GALC: variants seen among roughly 807,000 people sequenced by gnomAD.
The protein encoded by GALC is galactocerebrosidase.
Under a neutral mutation model 91.8 loss-of-function variants are expected in GALC, and 77 were observed. The observed-to-expected ratio is 0.84, with a 90% CI of 0.70 to 1.01. The LOEUF (loss-of-function observed/expected upper bound fraction) is 1.01. GALC is among the 50% of genes least tolerant of loss of function. The probability of loss-of-function intolerance (pLI) is 0.00; values close to 1 mark genes in which losing one functional copy is unlikely to be tolerated. For missense variants in GALC, 882 were observed against 855.9 expected (o/e 1.03, Z -0.38); for synonymous variants, 357 against 306.7 (o/e 1.16, Z -1.71).
At chr14:87,958,691 T>G (rs775754050) in intron 10 of GALC, among the ~76,000 whole-genome samples, 2 of 151,978 alleles carry the variant, frequency 1.3e-5, no homozygotes, top group African/African-American at 2.4e-5. Context: ...AGAAATAAAT[T>G]CATGCCCTAT....
intron 6 of GALC, among the ~76,000 whole-genome samples, chr14:87,979,463 A>G (rs1421171645): frequency 1.3e-5 from 2 of 152,254 alleles, no homozygotes; most frequent in Non-Finnish European, 2.9e-5. Flanking sequence ...AAAAAAGGAA[A>G]TGAAGTCTGA....
chr14:87,947,016 G>A (rs1022646390), intron 13 of GALC, among the ~76,000 whole-genome samples: 10 of 151,902 alleles, frequency 6.6e-5, no homozygotes, highest in African/African-American at 2.4e-4. Context: ...CTCCAGCAAT[G>A]CCAGCTCCCT....
At chr14:87,949,110 C>T (rs1885200186) in intron 12 of GALC, among the ~76,000 whole-genome samples, 1 of 151,014 alleles carries the variant, frequency 6.6e-6, no homozygotes, top group Admixed American at 6.6e-5. Flanking sequence ...GGTGAGGAAG[C>T]GTCAGAGGAA....
rs755382943 is a variant in GALC at position 87,965,494 on chromosome 14, C to G, written c.1033+11G>C. 4 of 1,613,226 alleles carry G rather than the reference C, an allele frequency of 2.5e-6. No homozygotes were observed. The highest frequency in any genetic ancestry group is 3.4e-6 in the Non-Finnish European group (4 of 1,179,384). ...AGAATTTAGGGAGTGAGAGATGGAA[C>G]TGAACCATACCTGATACCCAGACAG... On this transcript the variant is annotated intron_variant, in intron 9 of 16. Coordinates refer to ENST00000261304, the MANE Select transcript of GALC (RefSeq NM_000153.4).
upstream of GALC, chr14:87,993,205 CCGT>C: frequency 1.1e-5 from 17 of 1,553,708 alleles, no homozygotes; most frequent in Non-Finnish European, 1.5e-5. Flanking sequence ...GAGGCGGGTC[CCGT>C]CGCCGCCACG....
intron 16 of GALC, among the ~76,000 whole-genome samples, chr14:87,936,896 C>CCATATATATATATATATATATATATA (rs1555378200): frequency 2.3e-3 from 8 of 3,544 alleles, no homozygotes; most frequent in Admixed American, 8.2e-3. Context: ...ATATCAGGTA[C>CCATATATATATATATATATATATATA]TATATATATA....
At chr14:87,968,064 A>G (rs1196344047) in intron 8 of GALC, among the ~76,000 whole-genome samples, 1 of 152,150 alleles carries the variant, frequency 6.6e-6, no homozygotes, top group Non-Finnish European at 1.5e-5. Flanking sequence ...TTAAAAATAC[A>G]AGTAGCTTGT....
chr14:87,953,948 T>C, intron 10 of GALC: 1 of 1,609,850 alleles, frequency 6.2e-7, no homozygotes, highest in Non-Finnish European at 8.5e-7. Flanking sequence ...AGAAGGTTTT[T>C]CTGTAGAGGA....
chr14:87,934,354 AC>A lies in GALC; in HGVS notation c.*377del. ...GGACACACGGTCAGCATGCATAAAT[AC>A]ATCTCAGTGATGATCAAGTTACTGC... is the stretch of plus-strand genomic sequence containing the variant. On this transcript the variant is annotated 3_prime_UTR_variant, in exon 17 of 17. Transcript: ENST00000261304. 1 of 1,267,714 alleles carries A rather than the reference AC, an allele frequency of 7.9e-7. No homozygotes were observed. Among genetic ancestry groups the A allele is most frequent in the Non-Finnish European group, 1.0e-6 (1 of 998,188 alleles). The allele number at this position is 1,267,714 out of a possible 1,614,324, so 78.5% of individuals were successfully genotyped here.
At chr14:87,962,689 T>C (rs2119701) in intron 10 of GALC, among the ~76,000 whole-genome samples, 46,682 of 151,678 alleles carry the variant, frequency 0.31, 8,455 homozygotes, top group East Asian at 0.58. Context: ...ACTTAGTTGC[T>C]AGAAATCCTT....
At chr14:87,964,046 CAA>C (rs1885924276) in intron 9 of GALC, among the ~76,000 whole-genome samples, 2 of 152,018 alleles carry the variant, frequency 1.3e-5, no homozygotes, top group African/African-American at 4.8e-5. Flanking sequence ...GTGGGGCCAA[CAA>C]TTTCAACATT....
At chr14:87,940,704 A>G (rs891080348) in intron 15 of GALC, among the ~76,000 whole-genome samples, 1 of 151,920 alleles carries the variant, frequency 6.6e-6, no homozygotes, top group African/African-American at 2.4e-5. Context: ...TATGGAGTCA[A>G]AGCAAAGAGC....
intron 8 of GALC, among the ~76,000 whole-genome samples, chr14:87,967,196 T>C (rs1886093532): frequency 6.6e-6 from 1 of 152,152 alleles, no homozygotes; most frequent in African/African-American, 2.4e-5. Context: ...TGAAAAGCAG[T>C]TTTTTAAACA....
intron 6 of GALC, among the ~76,000 whole-genome samples, chr14:87,979,348 C>G (rs1293457967): frequency 6.6e-6 from 1 of 151,958 alleles, no homozygotes; most frequent in East Asian, 1.9e-4. Context: ...TTTCAACAAA[C>G]GGAACACAGA....
At chr14:87,936,420 G>A (rs1884568934) in intron 16 of GALC, among the ~76,000 whole-genome samples, 1 of 151,496 alleles carries the variant, frequency 6.6e-6, no homozygotes, top group Non-Finnish European at 1.5e-5. Context: ...ATTGTCTATG[G>A]CTTTTTTTCT....
At chr14:87,958,925 T>C (rs376160259) in intron 10 of GALC, among the ~76,000 whole-genome samples, 1 of 151,992 alleles carries the variant, frequency 6.6e-6, no homozygotes, top group Non-Finnish European at 1.5e-5. Context: ...TTTATGACAA[T>C]GAGCTGGGCA....
intron 14 of GALC, 104 bp downstream of exon 14, chr14:87,945,449 G>T: frequency 2.3e-6 from 2 of 869,158 alleles, no homozygotes; most frequent in Non-Finnish European, 2.0e-6. Context: ...CATCTATTAG[G>T]TTCTTGAAAT....
chr14:87,992,613 C>T lies in GALC; in HGVS notation c.195+357G>A. On this transcript the variant is annotated intron_variant, in intron 1 of 16. Transcript: ENST00000261304. ...TGGCCCTTTCTGGAGCGACGCTCCCCGACTGCCATCTCCGCGATGAAGACA... is the reference window on the plus strand; with the variant it reads ...TGGCCCTTTCTGGAGCGACGCTCCCTGACTGCCATCTCCGCGATGAAGACA... The T allele has an allele frequency of 2.8e-6, 4 of 1,448,290 alleles. No homozygotes were observed. The South Asian group carries it at 4.3e-5, about 16-fold the overall frequency. 89.7% of individuals were successfully genotyped at this position (1,448,290 alleles called of 1,614,324 possible). A position where few individuals can be genotyped will look rare whatever the true frequency, so the allele number is the denominator to read the frequency against.
chr14:87,945,933 C>T (rs1021226996), intron 13 of GALC, among the ~76,000 whole-genome samples, 200 bp from the exon 14 acceptor site: 7 of 151,908 alleles, frequency 4.6e-5, no homozygotes, highest in African/African-American at 1.2e-4. Context: ...ATGATGAGTT[C>T]GACATATAGA....
Sources: allele counts gnomAD v4.1 joint callset (sites outside exome capture counted in the v4.1 genomes callset), GRCh38; gene constraint gnomAD v4.1.1; transcripts MANE v1.5; gene names NCBI Gene and HGNC (gene_info 2026-07-23, HGNC 2026-07-21).